Variants in CDH6 observed in about 807,000 individuals in gnomAD.
The protein encoded by CDH6 is cadherin-6.
A neutral mutation model predicts 78.0 loss-of-function variants in CDH6; 31 were observed. That is an observed-to-expected ratio of 0.40 (90% CI 0.30 to 0.54). The LOEUF is 0.54. CDH6 is among the 20% of genes least tolerant of loss of function. The pLI, the probability that CDH6 is intolerant of heterozygous loss-of-function variation, is 0.56. For missense variants in CDH6, 724 were observed against 975.9 expected (o/e 0.74, Z 3.44); for synonymous variants, 376 against 368.8 (o/e 1.02, Z -0.23).
At chr5:31,278,170 G>A (rs995776289) in intron 2 of CDH6, among the ~76,000 whole-genome samples, 8 of 152,176 alleles carry the variant, frequency 5.3e-5, no homozygotes, top group African/African-American at 1.7e-4. Context: ...GTGTTTTGCA[G>A]CATTAGCTTA....
At chr5:31,296,410 T>G (rs1182976052) in intron 3 of CDH6, among the ~76,000 whole-genome samples, 1 of 152,162 alleles carries the variant, frequency 6.6e-6, no homozygotes, top group Non-Finnish European at 1.5e-5. Flanking sequence ...CTTTGAAGAT[T>G]ATTAGGCAAC....
Position 31,302,192 on chromosome 5 carries a change from G to A in CDH6, c.893G>A (p.Gly298Glu). ...GRIKASDADV[G>E]ENAEIEYSIT... ...ATCAAAGCCAGCGACGCTGATGTGG[G>A]AGAAAATGCTGAAATTGAGTACAGC... Residue 298 changes from glycine to glutamate, a missense_variant, in exon 6 of 12, where the codon GGA becomes GAA. Coordinates refer to ENST00000265071, the MANE Select transcript of CDH6 (RefSeq NM_004932.4). 1 of 1,614,058 alleles carries A rather than the reference G, an allele frequency of 6.2e-7. No individual in the cohort carries two copies. Among genetic ancestry groups the A allele is most frequent in the South Asian group, 1.1e-5 (1 of 91,078 alleles).
chr5:31,264,319 A>G (rs1165650349), intron 1 of CDH6, among the ~76,000 whole-genome samples: 1 of 152,238 alleles, frequency 6.6e-6, no homozygotes, highest in Non-Finnish European at 1.5e-5. Context: ...AGTGATTAGA[A>G]TACCTAATAC....
intron 2 of CDH6, among the ~76,000 whole-genome samples, chr5:31,293,318 G>GC (rs1007317354): frequency 2.6e-5 from 4 of 152,052 alleles, no homozygotes; most frequent in African/African-American, 9.7e-5. Context: ...TCAAGGTATT[G>GC]CCCTTGGCAG....
At chr5:31,267,209 T>G (rs1742386147) in intron 1 of CDH6, 137 bp from the exon 2 acceptor site, 2 of 456,670 alleles carry the variant, frequency 4.4e-6, no homozygotes, top group East Asian at 7.0e-5. Flanking sequence ...ACCGTCTCCT[T>G]CGTTTCAAAA....
chr5:31,216,864 T>C (rs1379536661), intron 1 of CDH6, among the ~76,000 whole-genome samples: 2 of 152,058 alleles, frequency 1.3e-5, no homozygotes, highest in Non-Finnish European at 2.9e-5. Context: ...AAAGCCTGAG[T>C]TATGAAGTTT....
Position 31,267,625 on chromosome 5 carries a change from C to T in CDH6, c.152C>T (p.Ser51Leu). The T allele has an allele frequency of 1.2e-6, 2 of 1,614,068 alleles. No homozygotes were observed. Among genetic ancestry groups the T allele is most frequent in the Non-Finnish European group, 1.7e-6 (2 of 1,180,010 alleles). Residue 51 changes from serine to leucine, a missense_variant, in exon 2 of 12, where the codon TCA becomes TTA. Around this residue, in one of 3 missense-constraint regions of CDH6, gnomAD observed 446 missense variants for 684.5 expected, o/e 0.65. Coordinates refer to ENST00000265071, the MANE Select transcript of CDH6 (RefSeq NM_004932.4). ...SGNSKNELNR[S>L]KRSWMWNQFF... ...AACAGCAAAAATGAGCTGAACCGTT[C>T]AAAAAGGAGCTGGATGTGGAATCAG... is the stretch of plus-strand genomic sequence containing the variant.
intron 1 of CDH6, among the ~76,000 whole-genome samples, chr5:31,217,633 T>C (rs1406684477): frequency 2.0e-5 from 3 of 152,036 alleles, no homozygotes; most frequent in African/African-American, 7.2e-5. Flanking sequence ...CAACAAGACA[T>C]CCTCCCTAAC....
At chr5:31,284,054 G>A (rs12653110) in intron 2 of CDH6, among the ~76,000 whole-genome samples, 44,087 of 151,880 alleles carry the variant, frequency 0.29, 7,078 homozygotes, top group Admixed American at 0.37. Context: ...AGCTCAAGCA[G>A]TTCACCCACG....
At position 31,325,541 on chromosome 5, in the gene CDH6, G is replaced by A. The variant is rs931253739; in HGVS notation, c.*2233G>A. On this transcript the variant is annotated 3_prime_UTR_variant, in exon 12 of 12. Transcript: ENST00000265071. ...TCTCTATCTGTATGTTTCATGTCAC[G>A]TAACAAATTGAATCAAGGAAGATAG... 2 of 230,526 alleles carry A rather than the reference G, an allele frequency of 8.7e-6. No homozygotes were observed. The highest frequency in any genetic ancestry group is 6.2e-5 in the East Asian group (1 of 16,170). The allele number at this position is 230,526 out of a possible 1,614,324, so 14.3% of individuals were successfully genotyped here. A position where few individuals can be genotyped will look rare whatever the true frequency, so the allele number is the denominator to read the frequency against.
In CDH6 at chr5:31,293,959, T is replaced by C; in HGVS notation, c.229-3T>C. On this transcript the variant is annotated splice_region_variant and splice_polypyrimidine_tract_variant and intron_variant, in intron 2 of 11. Coordinates refer to ENST00000265071, the MANE Select transcript of CDH6 (RefSeq NM_004932.4). ...TTTCTTTAATTTTTTTTTTCTACACTAGTTACATTCAGACCAGGATAGAGG... is the reference window on the plus strand; with the variant it reads ...TTTCTTTAATTTTTTTTTTCTACACCAGTTACATTCAGACCAGGATAGAGG... The C allele has an allele frequency of 1.3e-6, 2 of 1,553,764 alleles. No homozygotes were observed. The highest frequency in any genetic ancestry group is 1.7e-6 in the Non-Finnish European group (2 of 1,149,268).
In CDH6 at chr5:31,323,351, G is replaced by C; in HGVS notation, c.*43G>C. On this transcript the variant is annotated 3_prime_UTR_variant, in exon 12 of 12. Transcript: ENST00000265071. ...TTTCCAATACGACACTGAAATATGTGAAGTGGCTATTTCTTTATATTTATC... is the reference window on the plus strand; with the variant it reads ...TTTCCAATACGACACTGAAATATGTCAAGTGGCTATTTCTTTATATTTATC... 6.4e-7 allele frequency: 1 copy of C among 1,574,148 alleles called. No individual in the cohort carries two copies. The highest frequency in any genetic ancestry group is 8.6e-7 in the Non-Finnish European group (1 of 1,157,108).
chr5:31,199,739 C>A (rs921616474), intron 1 of CDH6, among the ~76,000 whole-genome samples: 2 of 122,198 alleles, frequency 1.6e-5, no homozygotes, highest in South Asian at 5.8e-4. Flanking sequence ...AAGCACTCAC[C>A]AGTATCTTGG....
intron 2 of CDH6, among the ~76,000 whole-genome samples, chr5:31,281,452 CTCAA>C (rs1742861334): frequency 6.6e-6 from 1 of 152,184 alleles, no homozygotes; most frequent in African/African-American, 2.4e-5. Context: ...CAACGCCTTA[CTCAA>C]TCAATTTTTG....
chr5:31,209,545 G>GA (rs1740633787), intron 1 of CDH6, among the ~76,000 whole-genome samples: 1 of 152,160 alleles, frequency 6.6e-6, no homozygotes, highest in South Asian at 2.1e-4. Flanking sequence ...AAGGCGGTCA[G>GA]AAAAGCAAGC....
chr5:31,323,574 T>C lies in CDH6; in HGVS notation c.*266T>C. 1 of 439,782 alleles carries C rather than the reference T, an allele frequency of 2.3e-6. No individual in the cohort carries two copies. Among genetic ancestry groups the C allele is most frequent in the Non-Finnish European group, 4.1e-6 (1 of 243,734 alleles). 27.2% of individuals were successfully genotyped at this position (439,782 alleles called of 1,614,324 possible). A position where few individuals can be genotyped will look rare whatever the true frequency, so the allele number is the denominator to read the frequency against. On this transcript the variant is annotated 3_prime_UTR_variant, in exon 12 of 12. Coordinates refer to ENST00000265071, the MANE Select transcript of CDH6 (RefSeq NM_004932.4). ...GGAGGGGAGGACAGGGAACAGTATTTCCACTTGTTCTCAGGGCAGCGTGCC... is the reference window on the plus strand; with the variant it reads ...GGAGGGGAGGACAGGGAACAGTATTCCCACTTGTTCTCAGGGCAGCGTGCC...
chr5:31,324,081 C>G lies in CDH6; in HGVS notation c.*773C>G, dbSNP rs3805527. On this transcript the variant is annotated 3_prime_UTR_variant, in exon 12 of 12. Transcript: ENST00000265071. ...ATGTTAACCAAGGAAATATATTTTA[C>G]CATACATTTAAAGTTTTGGCCACCA... 1,309 of 222,500 alleles carry G rather than the reference C, an allele frequency of 5.9e-3. 20 individuals carry two copies. The highest frequency in any genetic ancestry group is 0.047 in the East Asian group (702 of 15,058). The allele number at this position is 222,500 out of a possible 1,614,324, so 13.8% of individuals were successfully genotyped here.
intron 1 of CDH6, among the ~76,000 whole-genome samples, chr5:31,254,414 A>C (rs1223819328): frequency 6.6e-6 from 1 of 152,202 alleles, no homozygotes; most frequent in Non-Finnish European, 1.5e-5. Context: ...TTGTGAAATC[A>C]TGGAGAAGGA....
intron 2 of CDH6, among the ~76,000 whole-genome samples, chr5:31,270,307 G>C (rs1742487204): frequency 6.6e-6 from 1 of 152,144 alleles, no homozygotes; most frequent in Admixed American, 6.5e-5. Context: ...GTATTAAATA[G>C]TTAGACTCAA....
Sources: gnomAD v4.1 joint callset for allele counts (sites outside exome capture counted in the v4.1 genomes callset) on GRCh38, gnomAD v4.1.1 for gene constraint, gnomAD v4.1.1 regional missense constraint, MANE v1.5 for transcripts, NCBI Gene and HGNC (gene_info 2026-07-23, HGNC 2026-07-21) for gene names.